The following FBXL5 variants were observed in gnomAD, a reference collection of about 807,000 sequenced individuals.
The protein encoded by FBXL5 is F-box and leucine rich repeat protein 5, also known as F-box/LRR-repeat protein 5.
In FBXL5, 26 loss-of-function variants were observed where a neutral mutation model predicts 78.3. The ratio of observed to expected loss-of-function variants is 0.33; its 90% CI spans 0.24 to 0.46. The LOEUF (loss-of-function observed/expected upper bound fraction) is 0.46, where lower values mean the gene tolerates loss of function less well. Ranked by LOEUF, FBXL5 falls within the 20% of genes least tolerant of loss-of-function variation. The pLI is 1.00. For missense variants in FBXL5, 710 were observed against 829.2 expected (o/e 0.86, Z 1.77); for synonymous variants, 295 against 282.5 (o/e 1.04, Z -0.45).
At chr4:15,634,951 C>T (rs539633257) in intron 5 of FBXL5, among the ~76,000 whole-genome samples, 2 of 152,190 alleles carry the variant, frequency 1.3e-5, no homozygotes, top group East Asian at 1.9e-4. Context: ...AATTATCCCA[C>T]ATAACAACTA....
chr4:15,673,740 C>A (rs920401904), intron 1 of FBXL5, among the ~76,000 whole-genome samples: 1 of 152,164 alleles, frequency 6.6e-6, no homozygotes, highest in African/African-American at 2.4e-5. Flanking sequence ...CACTAGAATT[C>A]TCTCTCTATG....
chr4:15,630,566 G>C, intron 6 of FBXL5, 100 bp downstream of exon 6: 1 of 1,157,562 alleles, frequency 8.6e-7, no homozygotes, highest in Non-Finnish European at 1.1e-6. Flanking sequence ...AGTTTCTTTA[G>C]AAAACACAAA....
chr4:15,655,480 C>G (rs1198377428), upstream of FBXL5: 1 of 778,888 alleles, frequency 1.3e-6, no homozygotes, highest in East Asian at 1.3e-4. Flanking sequence ...CCCACGTGAC[C>G]GGGCGCGCGC....
chr4:15,649,720 A>C (rs1452692736), intron 1 of FBXL5, among the ~76,000 whole-genome samples: 2 of 152,092 alleles, frequency 1.3e-5, no homozygotes, highest in African/African-American at 2.4e-5. Context: ...AAACCTGGAC[A>C]CTAATGGTTC....
upstream of FBXL5, among the ~76,000 whole-genome samples, chr4:15,662,793 A>C (rs561310494): frequency 6.6e-6 from 1 of 152,322 alleles, no homozygotes; most frequent in African/African-American, 2.4e-5. Flanking sequence ...TGTCTTTGCA[A>C]AGGTGTTCTT....
At position 15,625,225 on chromosome 4, in the gene FBXL5, C is replaced by T; in HGVS notation, c.1850+27G>A. On this transcript the variant is annotated intron_variant, in intron 9 of 10. Transcript: ENST00000341285. ...TTTGGAAATGAGAACACGTCTATTT[C>T]TTAATATTCTGGAACTGATAACTCA... is the stretch of plus-strand genomic sequence containing the variant. The T allele has an allele frequency of 3.9e-6, 6 of 1,540,010 alleles. No homozygotes were observed. The South Asian group carries it at 5.1e-5, about 13-fold the overall frequency.
In FBXL5 at chr4:15,627,968, A is replaced by G; in HGVS notation, c.958T>C (p.Leu320=). The change falls in exon 7 of 11, where the codon TTA becomes CTA. Residue 320 remains leucine (L), a synonymous_variant. Transcript: ENST00000341285. ...AQMEKRLLHG[L]IHNVLPYVGT... is the part of the protein sequence containing the mutation. The stretch of plus-strand genomic sequence containing the variant: ...ACATATGGTAGAACGTTATGAATTA[A>G]GCCATGGAGTAAACGTTTTTCCATT... The G allele has an allele frequency of 6.2e-7, 1 of 1,613,762 alleles. No individual in the cohort carries two copies. Among genetic ancestry groups the G allele is most frequent in the South Asian group, 1.1e-5 (1 of 91,076 alleles).
chr4:15,624,811 C>T (rs1712854255), intron 9 of FBXL5, among the ~76,000 whole-genome samples: 1 of 152,172 alleles, frequency 6.6e-6, no homozygotes, highest in Non-Finnish European at 1.5e-5. Context: ...AAACACTTAA[C>T]AGCCGTGTAG....
chr4:15,638,977 C>T (rs1207487650), intron 3 of FBXL5, among the ~76,000 whole-genome samples: 1 of 152,066 alleles, frequency 6.6e-6, no homozygotes, highest in African/African-American at 2.4e-5. Flanking sequence ...CCAACCTGAT[C>T]AACATAGAAA....
Position 15,638,544 on chromosome 4 carries a change from A to T in FBXL5, c.547T>A (p.Phe183Ile). The T allele has an allele frequency of 6.3e-7, 1 of 1,595,422 alleles. No individual in the cohort carries two copies. The highest frequency in any genetic ancestry group is 8.5e-7 in the Non-Finnish European group (1 of 1,175,552). ...LWNHAEERQK[F>I]FKYSVDEKSD... is the part of the protein sequence containing the mutation. ...TTTTCATCCACGGAATATTTAAAAAACTTCTGTCGCTCTTCAGCATGATTC... is the reference window on the plus strand; with the variant it reads ...TTTTCATCCACGGAATATTTAAAAATCTTCTGTCGCTCTTCAGCATGATTC... The change falls in exon 4 of 11, where the codon TTT (phenylalanine) becomes ATT (isoleucine). Residue 183 changes from phenylalanine (F) to isoleucine (I), a missense_variant. Physicochemically the swap from Phe to Ile is conservative, Grantham distance 21 (BLOSUM62 0). Coordinates refer to ENST00000341285, the MANE Select transcript of FBXL5 (RefSeq NM_012161.4).
chr4:15,641,010 C>A, intron 2 of FBXL5, 127 bp from the exon 3 acceptor site: 2 of 506,024 alleles, frequency 4.0e-6, no homozygotes, highest in South Asian at 6.7e-5. Flanking sequence ...GCAAAGTGGT[C>A]TCTGTACTTT....
chr4:15,679,063 ATT>A (rs60866290), intron 1 of FBXL5, among the ~76,000 whole-genome samples: 2,613 of 118,686 alleles, frequency 0.022, 10 homozygotes, highest in African/African-American at 0.038. Flanking sequence ...TAAAATCTCT[ATT>A]TTTTTTTTTT....
chr4:15,623,424 G>A (rs1312824944), intron 9 of FBXL5, among the ~76,000 whole-genome samples: 1 of 151,568 alleles, frequency 6.6e-6, no homozygotes, highest in Non-Finnish European at 1.5e-5. Context: ...TTCATTCTTT[G>A]AAAAAAACAC....
At chr4:15,673,661 A>T (rs1394853011) in intron 1 of FBXL5, among the ~76,000 whole-genome samples, 1 of 152,308 alleles carries the variant, frequency 6.6e-6, no homozygotes, top group East Asian at 1.9e-4. Flanking sequence ...CCTTGGCCTC[A>T]GGTCATTTCC....
At chr4:15,652,789 C>T (rs1324093673) in intron 1 of FBXL5, among the ~76,000 whole-genome samples, 1 of 152,188 alleles carries the variant, frequency 6.6e-6, no homozygotes, top group Non-Finnish European at 1.5e-5. Context: ...AATAACTGGG[C>T]ATTCAGAGCC....
Position 15,638,615 on chromosome 4 carries a change from C to T in FBXL5, c.476G>A (p.Cys159Tyr). 6.2e-7 allele frequency: 1 copy of T among 1,613,148 alleles called. No homozygotes were observed. The highest frequency in any genetic ancestry group is 8.5e-7 in the Non-Finnish European group (1 of 1,179,290). ...DIKKKVIAQH[C>Y]SQKDTAELLR... ...GAGTTCTGCAGTATCCTTCTGAGAG[C>T]AGTGTTGTGCAATCACTTTCTTTTT... Residue 159 changes from cysteine to tyrosine, a missense_variant, in exon 4 of 11, where the codon TGC (cysteine) becomes TAC (tyrosine). Cys to Tyr is a radical substitution (Grantham distance 194). Coordinates refer to ENST00000341285, the MANE Select transcript of FBXL5 (RefSeq NM_012161.4).
intron 1 of FBXL5, 85 bp downstream of exon 1, chr4:15,655,119 G>T: frequency 9.0e-7 from 1 of 1,110,132 alleles, no homozygotes; most frequent in Non-Finnish European, 1.2e-6. Flanking sequence ...TGCGGGCGCG[G>T]CGCAGGCCAG....
Position 15,640,832 on chromosome 4 carries a change from C to G in FBXL5, c.352G>C (p.Ala118Pro). ...TGAGGAAGAAAATCTCTTGTAAAAG[C>G]CTCCAATCTCTCTTTCAGTTGTTTT... ...YAKQLKERLE[A>P]FTRDFLPHMK... Residue 118 changes from alanine (A) to proline (P), a missense_variant, in exon 3 of 11, where the codon GCT becomes CCT. This residue lies in a region of FBXL5 where 132 missense variants were observed against 156.9 expected (regional missense o/e 0.84). Coordinates refer to ENST00000341285, the MANE Select transcript of FBXL5 (RefSeq NM_012161.4). 1 of 1,568,408 alleles carries G rather than the reference C, an allele frequency of 6.4e-7. No homozygotes were observed. The highest frequency in any genetic ancestry group is 8.6e-7 in the Non-Finnish European group (1 of 1,160,760).
chr4:15,669,727 T>A (rs943701201), intron 1 of FBXL5, among the ~76,000 whole-genome samples: 7 of 152,210 alleles, frequency 4.6e-5, no homozygotes, highest in Non-Finnish European at 1.0e-4. Context: ...TACTCAATAC[T>A]AGTTGGTCAG....
Sources: gnomAD v4.1 joint callset for allele counts (sites outside exome capture counted in the v4.1 genomes callset) on GRCh38, gnomAD v4.1.1 for gene constraint, gnomAD v4.1.1 regional missense constraint, MANE v1.5 for transcripts, NCBI Gene and HGNC (gene_info 2026-07-23, HGNC 2026-07-21) for gene names.